ORC3: variants seen among roughly 807,000 people sequenced by gnomAD.
ORC3 encodes origin recognition complex subunit 3.
In ORC3, 78 loss-of-function variants were observed where a neutral mutation model predicts 100.7. The observed-to-expected ratio is 0.77, with a 90% CI of 0.65 to 0.94. The LOEUF (loss-of-function observed/expected upper bound fraction) is 0.94, where lower values mean the gene tolerates loss of function less well. ORC3 is among the 40% of genes least tolerant of loss of function. The probability of loss-of-function intolerance (pLI) is 0.00; values close to 1 mark genes in which losing one functional copy is unlikely to be tolerated. For synonymous variants in ORC3, 295 were observed against 289.3 expected (o/e 1.02, Z -0.20); for missense variants, 789 against 823.9 (o/e 0.96, Z 0.52).
the ORC3 span, among the ~76,000 whole-genome samples, chr6:87,676,937 C>T: frequency 6.6e-6 from 1 of 151,700 alleles, no homozygotes; most frequent in African/African-American, 2.4e-5. Flanking sequence ...ATTAGCCGGG[C>T]ATGGTGGTAG....
At chr6:87,652,050 C>T (rs1296991813) in intron 13 of ORC3, among the ~76,000 whole-genome samples, 1 of 149,274 alleles carries the variant, frequency 6.7e-6, no homozygotes, top group African/African-American at 2.5e-5. Context: ...AGGCGCCCAC[C>T]ACTACACCCG....
At chr6:87,602,954 AATATATATATATATATAC>A (rs1778054692) in intron 3 of ORC3, among the ~76,000 whole-genome samples, 3 of 95,300 alleles carry the variant, frequency 3.1e-5, no homozygotes, top group Admixed American at 1.4e-4. Context: ...ACACATATAT[AATATATATATATATATAC>A]ATATATATAT....
At chr6:87,617,460 C>A (rs899154098) in intron 9 of ORC3, among the ~76,000 whole-genome samples, 1 of 152,088 alleles carries the variant, frequency 6.6e-6, no homozygotes, top group Non-Finnish European at 1.5e-5. Context: ...TTATGCCAGG[C>A]ACGGTGGCTC....
chr6:87,626,065 AC>A (rs1471816379), intron 11 of ORC3, among the ~76,000 whole-genome samples: 2 of 152,228 alleles, frequency 1.3e-5, no homozygotes, highest in Non-Finnish European at 2.9e-5. Context: ...TGGTACCAGT[AC>A]CATGCTGTTT....
At chr6:87,626,983 T>C (rs1352889320) in intron 11 of ORC3, among the ~76,000 whole-genome samples, 1 of 151,838 alleles carries the variant, frequency 6.6e-6, no homozygotes, top group African/African-American at 2.4e-5. Flanking sequence ...ATTTTATTTA[T>C]TTATTTATTT....
At chr6:87,590,279 C>A in intron 1 of ORC3, 87 bp downstream of exon 1, 2 of 1,399,950 alleles carry the variant, frequency 1.4e-6, no homozygotes, top group Non-Finnish European at 1.0e-6. Context: ...CGTAGGCATC[C>A]CTTCCCTGGC....
chr6:87,645,473 T>G (rs1418758038), intron 13 of ORC3, among the ~76,000 whole-genome samples: 3 of 152,142 alleles, frequency 2.0e-5, no homozygotes, highest in East Asian at 1.9e-4. Context: ...TTTACATGCT[T>G]CTTAATTTTT....
At chr6:87,612,831 C>G (rs1469859924) in intron 8 of ORC3, among the ~76,000 whole-genome samples, 2 of 152,180 alleles carry the variant, frequency 1.3e-5, no homozygotes, top group Non-Finnish European at 1.5e-5. Context: ...TGGTCTGGAA[C>G]TCCTGACCTC....
In ORC3 at chr6:87,594,009, G is replaced by C. The variant is rs1777239087; in HGVS notation, c.25-344G>C. ...TGTGCCCAGCCCATTTTAATGTGTA[G>C]TATTAATTCCTTTAAGTTTATGAAA... On this transcript the variant is annotated intron_variant, in intron 1 of 19. Transcript: ENST00000392844. Among the ~76,000 whole-genome samples, 5 of 152,178 alleles carry C rather than the reference G, an allele frequency of 3.3e-5. No homozygotes were observed. In the South Asian group the frequency reaches 1.0e-3, roughly 31 times the overall value.
intron 13 of ORC3, among the ~76,000 whole-genome samples, chr6:87,648,760 T>G (rs1248614953): frequency 1.3e-5 from 2 of 152,234 alleles, no homozygotes; most frequent in African/African-American, 4.8e-5. Context: ...CCTACCTCAT[T>G]GTTTCTCATC....
At chr6:87,601,372 A>G (rs1468630709) in intron 2 of ORC3, among the ~76,000 whole-genome samples, 1 of 152,168 alleles carries the variant, frequency 6.6e-6, no homozygotes, top group African/African-American at 2.4e-5. Context: ...GTTTTTGATG[A>G]ATGTAAAAAA....
the ORC3 span, among the ~76,000 whole-genome samples, chr6:87,672,929 A>G: frequency 2.0e-5 from 3 of 152,166 alleles, no homozygotes; most frequent in Non-Finnish European, 4.4e-5. Flanking sequence ...TACTGGAAGA[A>G]TAAGATGACT....
the ORC3 span, among the ~76,000 whole-genome samples, chr6:87,677,580 T>C: frequency 6.6e-6 from 1 of 152,180 alleles, no homozygotes; most frequent in Non-Finnish European, 1.5e-5. Context: ...CATCAGTTTT[T>C]AGTACAGGGT....
chr6:87,612,341 ACT>A (rs1184270081), intron 8 of ORC3, 93 bp downstream of exon 8: 5 of 715,640 alleles, frequency 7.0e-6, no homozygotes, highest in Admixed American at 6.5e-5. Flanking sequence ...AGCCTCTACA[ACT>A]CTCTGAGTAC....
intron 11 of ORC3, among the ~76,000 whole-genome samples, chr6:87,628,410 G>A (rs186711333): frequency 8.5e-5 from 13 of 152,280 alleles, no homozygotes; most frequent in Admixed American, 3.3e-4. Flanking sequence ...ACTAAGGAGG[G>A]ACATTAGAAG....
intron 2 of ORC3, among the ~76,000 whole-genome samples, chr6:87,601,118 G>A (rs7759648): frequency 0.072 from 10,946 of 152,014 alleles, 548 homozygotes; most frequent in African/African-American, 0.15. Flanking sequence ...AGAGTTCAAA[G>A]CAAATGTATG....
chr6:87,677,736 AG>A, the ORC3 span: 1 of 1,485,296 alleles, frequency 6.7e-7, no homozygotes. Context: ...ACCAGTGTAT[AG>A]AAAGTGAAAT....
intron 11 of ORC3, among the ~76,000 whole-genome samples, chr6:87,628,449 A>C (rs934637174): frequency 1.3e-5 from 2 of 152,222 alleles, no homozygotes; most frequent in African/African-American, 2.4e-5. Flanking sequence ...AATACTGAAA[A>C]TCTTCATACT....
intron 11 of ORC3, 100 bp from the exon 12 acceptor site, chr6:87,634,745 G>T: frequency 1.8e-6 from 1 of 552,884 alleles, no homozygotes; most frequent in Non-Finnish European, 3.2e-6. Context: ...TTTGAATCTT[G>T]TCAGTTTTCC....
Sources: gnomAD v4.1 joint callset for allele counts (sites outside exome capture counted in the v4.1 genomes callset) on GRCh38, gnomAD v4.1.1 for gene constraint, MANE v1.5 for transcripts, NCBI Gene and HGNC (gene_info 2026-07-23, HGNC 2026-07-21) for gene names.